Variants in ZFP69B observed in about 807,000 individuals in gnomAD.
The protein encoded by ZFP69B is ZFP69 zinc finger protein B.
ZFP69B carries 20 observed loss-of-function variants against 19.7 expected under a neutral mutation model. That is an observed-to-expected ratio of 1.02 (90% CI 0.71 to 1.48). ZFP69B has a LOEUF of 1.48. Among genes scored for constraint, ZFP69B ranks in the 40% most tolerant of loss-of-function variants. ZFP69B has a pLI of 0.00. For synonymous variants in ZFP69B, 220 were observed against 222.7 expected (o/e 0.99, Z 0.11); for missense variants, 583 against 632.6 (o/e 0.92, Z 0.84).
intron 4 of ZFP69B, among the ~76,000 whole-genome samples, chr1:40,458,451 G>A (rs1569980733): frequency 6.6e-6 from 1 of 151,698 alleles, no homozygotes; most frequent in Non-Finnish European, 1.5e-5. Context: ...ATTTTGAGCT[G>A]TAAGTTATCT....
chr1:40,452,388 AC>A (rs770032405), intron 1 of ZFP69B, among the ~76,000 whole-genome samples: 5 of 152,230 alleles, frequency 3.3e-5, no homozygotes, highest in Non-Finnish European at 7.3e-5. Context: ...ACCTGGTACC[AC>A]CTACAAGGTA....
intron 1 of ZFP69B, among the ~76,000 whole-genome samples, chr1:40,452,073 T>C (rs1645192045): frequency 6.6e-6 from 1 of 152,082 alleles, no homozygotes; most frequent in Non-Finnish European, 1.5e-5. Flanking sequence ...TTCAGTGAGC[T>C]GAGATGGCGC....
intron 1 of ZFP69B, 55 bp from the exon 2 acceptor site, chr1:40,454,148 C>T (rs1435523772): frequency 9.2e-6 from 13 of 1,416,044 alleles, no homozygotes; most frequent in South Asian, 3.0e-5. Flanking sequence ...TAGGCAGTTT[C>T]TCTGTTTGGG....
At chr1:40,455,304 G>C (rs1278266660) in intron 2 of ZFP69B, among the ~76,000 whole-genome samples, 5 of 152,188 alleles carry the variant, frequency 3.3e-5, no homozygotes, top group African/African-American at 7.2e-5. Context: ...AAACATAAGA[G>C]GGTATTATTA....
intron 4 of ZFP69B, among the ~76,000 whole-genome samples, chr1:40,459,487 T>C (rs1466452857): frequency 1.3e-5 from 2 of 152,184 alleles, no homozygotes; most frequent in Admixed American, 6.5e-5. Context: ...TGTTTTCTAC[T>C]CTGTTTTTCC....
upstream of ZFP69B, among the ~76,000 whole-genome samples, chr1:40,450,409 A>G (rs1426948193): frequency 6.6e-6 from 1 of 152,160 alleles, no homozygotes; most frequent in Non-Finnish European, 1.5e-5. Flanking sequence ...CGACTAGTGA[A>G]AGAGCTGGGA....
chr1:40,463,300 G>T lies in ZFP69B; in HGVS notation c.1316G>T (p.Arg439Ile), dbSNP rs766986080. The change falls in exon 5 of 5, where the codon AGA becomes ATA. Residue 439 changes from arginine to isoleucine, a missense_variant. Transcript: ENST00000361584. Reference protein sequence around the residue: ...SHSTYLTQHQRTHTGERPYKC... With the variant: ...SHSTYLTQHQITHTGERPYKC... ...AGTACATACCTAACTCAACACCAGA[G>T]AACTCATACTGGAGAAAGACCATAT... is the stretch of plus-strand genomic sequence containing the variant. The T allele has an allele frequency of 6.2e-6, 10 of 1,613,996 alleles. No individual in the cohort carries two copies. The African/African-American group carries it at 6.7e-5, about 11-fold the overall frequency.
rs772628352 is a variant in ZFP69B at position 40,462,986 on chromosome 1, C to G, written c.1002C>G (p.Pro334=). The G allele has an allele frequency of 1.2e-6, 2 of 1,613,920 alleles. No individual in the cohort carries two copies. The highest frequency in any genetic ancestry group is 3.3e-5 in the Admixed American group (2 of 60,008). ...AGAGAATTCATACTGGTGAGAAACC[C>G]TATGAATGTAAGGAGTGTGGGAAAA... ...PHQRIHTGEK[P]YECKECGKTF... The change falls in exon 5 of 5, where the codon CCC becomes CCG. Residue 334 remains proline (P), a synonymous_variant. Coordinates refer to ENST00000361584, the MANE Select transcript of ZFP69B (RefSeq NM_023070.3).
At chr1:40,459,068 C>T (rs1471804959) in intron 4 of ZFP69B, among the ~76,000 whole-genome samples, 1 of 152,172 alleles carries the variant, frequency 6.6e-6, no homozygotes, top group Non-Finnish European at 1.5e-5. Flanking sequence ...TGTGACTTCA[C>T]TCAATCTAAT....
chr1:40,462,397 C>A (rs779270806), intron 4 of ZFP69B, 24 bp from the exon 5 acceptor site: 22 of 1,525,744 alleles, frequency 1.4e-5, no homozygotes, highest in Non-Finnish European at 1.9e-5. Flanking sequence ...GAATATGGAT[C>A]TTTTTTTTTA....
At chr1:40,453,248 C>T (rs1415803724) in intron 1 of ZFP69B, among the ~76,000 whole-genome samples, 2 of 152,106 alleles carry the variant, frequency 1.3e-5, no homozygotes, top group African/African-American at 2.4e-5. Flanking sequence ...CTTGAGCCAC[C>T]GGGCCTGGCC....
Position 40,462,487 on chromosome 1 carries a change from A to G in ZFP69B, c.503A>G (p.His168Arg). The G allele has an allele frequency of 6.2e-7, 1 of 1,613,996 alleles. No homozygotes were observed. Among genetic ancestry groups the G allele is most frequent in the Non-Finnish European group, 8.5e-7 (1 of 1,179,980 alleles). The change falls in exon 5 of 5, where the codon CAT becomes CGT. Residue 168 changes from histidine (H) to arginine (R), a missense_variant. By Grantham distance (29) the His-to-Arg change is conservative. Coordinates refer to ENST00000361584, the MANE Select transcript of ZFP69B (RefSeq NM_023070.3). ...LQNDISWEEL[H>R]CGLMMERFTK... ...AATGATATTTCGTGGGAAGAACTAC[A>G]TTGTGGCCTAATGATGGAAAGATTT...
Position 40,463,031 on chromosome 1 carries a change from G to A in ZFP69B, c.1047G>A (p.Ser349=), listed in dbSNP as rs770833768. 56 of 1,613,784 alleles carry A rather than the reference G, an allele frequency of 3.5e-5. 1 individual carries two copies. The Middle Eastern group carries it at 1.2e-3, about 33-fold the overall frequency. Reference sequence around the variant, plus strand: ...GGAAAACCTTCAGACATCCTTCATCGCTTACTCAACATGTTAGAATTCATA... The same window carrying A: ...GGAAAACCTTCAGACATCCTTCATCACTTACTCAACATGTTAGAATTCATA... ...ECGKTFRHPS[S]LTQHVRIHTG... is the part of the protein sequence containing the mutation. The change falls in exon 5 of 5, where the codon TCG becomes TCA. Residue 349 remains serine, a synonymous_variant. Coordinates refer to ENST00000361584, the MANE Select transcript of ZFP69B (RefSeq NM_023070.3).
At chr1:40,455,498 GA>G (rs1190850895) in intron 2 of ZFP69B, among the ~76,000 whole-genome samples, 1 of 152,166 alleles carries the variant, frequency 6.6e-6, no homozygotes, top group African/African-American at 2.4e-5. Flanking sequence ...TTTACAATAC[GA>G]AACATTAAAA....
rs139917327 is a variant in ZFP69B at position 40,462,789 on chromosome 1, C to T, written c.805C>T (p.His269Tyr). The T allele has an allele frequency of 4.0e-5, 65 of 1,613,384 alleles. No individual in the cohort carries two copies. The African/African-American group carries it at 7.3e-4, about 18-fold the overall frequency. Reference protein sequence around the residue: ...RSRYNIDLVNHSRSYTKMKTF... With the variant: ...RSRYNIDLVNYSRSYTKMKTF... ...CAGATACAACATAGATTTAGTTAAT[C>T]ATTCAAGGAGTTATACAAAAATGAA... The change falls in exon 5 of 5, where the codon CAT (histidine) becomes TAT (tyrosine). Residue 269 changes from histidine (H) to tyrosine (Y), a missense_variant. Physicochemically the swap from His to Tyr is moderately conservative, Grantham distance 83. Coordinates refer to ENST00000361584, the MANE Select transcript of ZFP69B (RefSeq NM_023070.3).
chr1:40,457,184 C>A, intron 3 of ZFP69B, 113 bp downstream of exon 3: 1 of 1,536,268 alleles, frequency 6.5e-7, no homozygotes, highest in Non-Finnish European at 8.9e-7. Context: ...TTTGTGTTTC[C>A]TTCTGAACAC....
chr1:40,451,656 G>GGGC (rs1553125237), intron 1 of ZFP69B, among the ~76,000 whole-genome samples: 1 of 145,528 alleles, frequency 6.9e-6, no homozygotes, highest in Non-Finnish European at 1.5e-5. Context: ...AAAGACGTGG[G>GGGC]GGGGGGGGAA....
rs763842698 is a variant in ZFP69B, at chr1:40,463,226, T to A, written c.1242T>A (p.Thr414=). ...TTAGGCAACATGAGATTATTCATACTGGTGTGAAACCCTATATTTGTAATG... is the reference window on the plus strand; with the variant it reads ...TTAGGCAACATGAGATTATTCATACAGGTGTGAAACCCTATATTTGTAATG... ...RHLRQHEIIH[T]GVKPYICNVC... Residue 414 remains threonine (T), a synonymous_variant, in exon 5 of 5, where the codon ACT becomes ACA. Coordinates refer to ENST00000361584, the MANE Select transcript of ZFP69B (RefSeq NM_023070.3). The A allele has an allele frequency of 6.2e-7, 1 of 1,614,096 alleles. No individual in the cohort carries two copies.
chr1:40,462,722 A>G lies in ZFP69B; in HGVS notation c.738A>G (p.Pro246=). Residue 246 remains proline, a synonymous_variant, in exon 5 of 5, where the codon CCA becomes CCG. Transcript: ENST00000361584. ...SEVMPGPIGL[P]RKRDRKYDTP... ...TTATGCCAGGACCAATAGGTCTTCC[A>G]AGAAAAAGAGATCGTAAATATGACA... 1 of 1,614,190 alleles carries G rather than the reference A, an allele frequency of 6.2e-7. No individual in the cohort carries two copies. The highest frequency in any genetic ancestry group is 8.5e-7 in the Non-Finnish European group (1 of 1,180,030).
Sources: gnomAD v4.1 joint callset for allele counts (sites outside exome capture counted in the v4.1 genomes callset) on GRCh38, gnomAD v4.1.1 for gene constraint, MANE v1.5 for transcripts, NCBI Gene and HGNC (gene_info 2026-07-23, HGNC 2026-07-21) for gene names.